The following ULK4 variants were observed in gnomAD, a reference collection of about 807,000 sequenced individuals.
ULK4 encodes the protein inactive serine/threonine-protein kinase ULK4.
In ULK4, 133 loss-of-function variants were observed where a neutral mutation model predicts 160.6. That is an observed-to-expected ratio of 0.83 (90% CI 0.72 to 0.96). The LOEUF is 0.96. Among genes scored for constraint, ULK4 ranks in the 40% least tolerant of loss-of-function variants. The pLI, the probability that ULK4 is intolerant of heterozygous loss-of-function variation, is 0.00. For missense variants in ULK4, 1,580 were observed against 1,499.5 expected (o/e 1.05, Z -0.89); for synonymous variants, 534 against 539.8 (o/e 0.99, Z 0.15).
At chr3:41,419,477 A>C (rs757673381) in intron 34 of ULK4, among the ~76,000 whole-genome samples, 7 of 152,184 alleles carry the variant, frequency 4.6e-5, no homozygotes, top group Non-Finnish European at 1.0e-4. Flanking sequence ...CTAAAGATAC[A>C]AATTTGGAAA....
chr3:41,806,207 T>C (rs1293560774), intron 19 of ULK4, among the ~76,000 whole-genome samples: 1 of 148,840 alleles, frequency 6.7e-6, no homozygotes, highest in African/African-American at 2.5e-5. Flanking sequence ...CCTGGTTTAG[T>C]CTTGGGAGGG....
intron 34 of ULK4, among the ~76,000 whole-genome samples, chr3:41,416,959 C>T (rs2082541705): frequency 2.6e-5 from 4 of 152,096 alleles, no homozygotes; most frequent in Admixed American, 2.0e-4. Flanking sequence ...TGAAAGTGCA[C>T]TGAAATGTAC....
chr3:41,777,504 A>C (rs1387856746), intron 21 of ULK4, among the ~76,000 whole-genome samples: 1 of 51,100 alleles, frequency 2.0e-5, no homozygotes, highest in Non-Finnish European at 3.6e-5. Context: ...AGTTCTTTTA[A>C]TTGTGATGTT....
At chr3:41,368,721 A>G (rs1380368935) in intron 35 of ULK4, among the ~76,000 whole-genome samples, 1 of 152,182 alleles carries the variant, frequency 6.6e-6, no homozygotes, top group Non-Finnish European at 1.5e-5. Context: ...TCAGTACTTC[A>G]TTCCTTTTTA....
intron 19 of ULK4, among the ~76,000 whole-genome samples, chr3:41,816,532 C>T (rs752914741): frequency 1.3e-5 from 2 of 152,034 alleles, no homozygotes; most frequent in South Asian, 4.1e-4. Context: ...TATAAGAAAC[C>T]ATGGCTGGGT....
At chr3:41,537,507 T>A (rs1458964238) in intron 32 of ULK4, among the ~76,000 whole-genome samples, 1 of 152,176 alleles carries the variant, frequency 6.6e-6, no homozygotes, top group Non-Finnish European at 1.5e-5. Flanking sequence ...AGTCCTATGA[T>A]CCATGATCTA....
rs115445003 is a variant in ULK4, at chr3:41,889,909, G to C, written c.1577+5609C>G. On this transcript the variant is annotated intron_variant, in intron 16 of 36. Transcript: ENST00000301831. ...GCAAAATGTGGTATAGCCACACAAG[G>C]ATTATTCAGCTATAAAAAGAATGAA... Among the ~76,000 whole-genome samples the C allele has an allele frequency of 6.7e-3, 1,026 of 152,208 alleles. 10 individuals are homozygous for C. Among genetic ancestry groups the C allele is most frequent in the African/African-American group, 0.024 (986 of 41,522 alleles).
rs547025636 is a variant in ULK4, at chr3:41,584,192, T to C, written c.3121-18062A>G. ...AAGACCAGACATGAATCAATCCCTG[T>C]CTTCTAACTTTGTATTAAGATCTAA... On this transcript the variant is annotated intron_variant, in intron 31 of 36. Coordinates refer to ENST00000301831, the MANE Select transcript of ULK4 (RefSeq NM_017886.4). 7.9e-5 allele frequency among the ~76,000 whole-genome samples: 12 copies of C among 152,334 alleles called. No individual in the cohort carries two copies. In the East Asian group the frequency reaches 2.3e-3, roughly 29 times the overall value.
chr3:41,703,802 T>C (rs2036764602), intron 27 of ULK4, among the ~76,000 whole-genome samples: 1 of 149,166 alleles, frequency 6.7e-6, no homozygotes, highest in South Asian at 2.1e-4. Context: ...AGCCACAGAA[T>C]ATAGTATTTA....
intron 30 of ULK4, among the ~76,000 whole-genome samples, chr3:41,663,276 TA>T (rs2035244956): frequency 6.6e-6 from 1 of 151,978 alleles, no homozygotes; most frequent in Non-Finnish European, 1.5e-5. Context: ...TAACAGTTGA[TA>T]AATACTATTG....
At chr3:41,522,967 A>C (rs939544812) in intron 32 of ULK4, among the ~76,000 whole-genome samples, 3 of 152,146 alleles carry the variant, frequency 2.0e-5, no homozygotes, top group African/African-American at 7.2e-5. Context: ...GCTGGAGTAC[A>C]GTGGCACGAT....
intron 29 of ULK4, among the ~76,000 whole-genome samples, chr3:41,664,036 T>C (rs552038758): frequency 7.9e-5 from 12 of 151,950 alleles, no homozygotes; most frequent in Non-Finnish European, 1.5e-4. Context: ...CTGAAATAAA[T>C]TTATGAGTTA....
At chr3:41,738,626 G>A (rs893295756) in intron 22 of ULK4, among the ~76,000 whole-genome samples, 3 of 151,814 alleles carry the variant, frequency 2.0e-5, no homozygotes, top group African/African-American at 7.3e-5. Flanking sequence ...AAAAATTCAG[G>A]GGGCTACCAC....
intron 18 of ULK4, among the ~76,000 whole-genome samples, chr3:41,820,706 T>C (rs2041119550): frequency 6.6e-6 from 1 of 152,084 alleles, no homozygotes; most frequent in African/African-American, 2.4e-5. Context: ...GTAGGATCAG[T>C]TGTACCCCAA....
At chr3:41,713,644 T>G (rs2037173609) in intron 25 of ULK4, among the ~76,000 whole-genome samples, 1 of 152,170 alleles carries the variant, frequency 6.6e-6, no homozygotes. Context: ...TTCAGTATCT[T>G]AATGATCTCT....
chr3:41,793,532 A>G (rs898014103), intron 20 of ULK4, among the ~76,000 whole-genome samples: 2 of 152,194 alleles, frequency 1.3e-5, no homozygotes, highest in African/African-American at 4.8e-5. Flanking sequence ...ATCTTAAGAT[A>G]TATCAGAATA....
intron 27 of ULK4, among the ~76,000 whole-genome samples, chr3:41,693,052 A>C (rs1229162599): frequency 6.6e-6 from 1 of 152,232 alleles, no homozygotes; most frequent in Non-Finnish European, 1.5e-5. Context: ...GCATCACTAA[A>C]CCTTATTTTA....
At chr3:41,902,814 TA>T (rs1006920910) in intron 12 of ULK4, among the ~76,000 whole-genome samples, 2 of 152,054 alleles carry the variant, frequency 1.3e-5, no homozygotes, top group African/African-American at 4.8e-5. Flanking sequence ...TTAGGGAAGA[TA>T]AAAAAAGCTT....
chr3:41,743,384 A>C (rs1008973371), intron 22 of ULK4, among the ~76,000 whole-genome samples: 4 of 151,888 alleles, frequency 2.6e-5, no homozygotes, highest in Admixed American at 2.0e-4. Context: ...CTTCAGGAAT[A>C]AAGGAGGAAT....
Sources: allele counts gnomAD v4.1 joint callset (sites outside exome capture counted in the v4.1 genomes callset), GRCh38; gene constraint gnomAD v4.1.1; transcripts MANE v1.5; gene names NCBI Gene and HGNC (gene_info 2026-07-23, HGNC 2026-07-21).